CHSY1: variants seen among roughly 807,000 people sequenced by gnomAD.
The protein encoded by CHSY1 is N-acetylgalactosaminyl-proteoglycan 3-beta-glucuronosyltransferase 1.
CHSY1 carries 13 observed loss-of-function variants against 59.8 expected under a neutral mutation model. That is an observed-to-expected ratio of 0.22 (90% CI 0.14 to 0.35). The LOEUF is 0.35. Among genes scored for constraint, CHSY1 ranks in the 10% least tolerant of loss-of-function variants. CHSY1 has a pLI of 1.00. For missense variants in CHSY1, 947 were observed against 1,030.6 expected (o/e 0.92, Z 1.11); for synonymous variants, 459 against 401.2 (o/e 1.14, Z -1.72).
intron 2 of CHSY1, among the ~76,000 whole-genome samples, chr15:101,218,432 A>C (rs1203608317): frequency 2.0e-5 from 3 of 152,126 alleles, no homozygotes; most frequent in Non-Finnish European, 4.4e-5. Flanking sequence ...CCCCGTCTCT[A>C]CTAAAAATAC....
chr15:101,222,917 T>G (rs774891647), intron 2 of CHSY1, among the ~76,000 whole-genome samples: 1 of 152,196 alleles, frequency 6.6e-6, no homozygotes, highest in Non-Finnish European at 1.5e-5. Context: ...GGAGGGAAAT[T>G]AAGCTCCACT....
In CHSY1 at chr15:101,235,074, G is replaced by C. The variant is rs747414153; in HGVS notation, c.816+8C>G. 8 of 1,612,984 alleles carry C rather than the reference G, an allele frequency of 5.0e-6. No homozygotes were observed. The South Asian group carries it at 8.8e-5, about 18-fold the overall frequency. On this transcript the variant is annotated splice_region_variant and intron_variant, in intron 2 of 2. Coordinates refer to ENST00000254190, the MANE Select transcript of CHSY1 (RefSeq NM_014918.5). The stretch of plus-strand genomic sequence containing the variant: ...AGTTTTTCCCATGGTAAAGAATTCT[G>C]TTCTTACCTCATAAGACCAGACACA...
At chr15:101,229,069 G>A (rs2038868696) in intron 2 of CHSY1, among the ~76,000 whole-genome samples, 2 of 152,032 alleles carry the variant, frequency 1.3e-5, no homozygotes, top group South Asian at 4.1e-4. Flanking sequence ...TCATCCCCAA[G>A]GCGACTACTA....
chr15:101,217,564 C>G (rs2038747213), intron 2 of CHSY1, among the ~76,000 whole-genome samples: 1 of 152,048 alleles, frequency 6.6e-6, no homozygotes, highest in African/African-American at 2.4e-5. Flanking sequence ...GAGCCTGGAG[C>G]AACTTCTAGT....
At position 101,176,304 on chromosome 15, in the gene CHSY1, A is replaced by C. The variant is rs1003594015; in HGVS notation, c.*1084T>G. The C allele has an allele frequency of 2.5e-6, 1 of 398,462 alleles. No individual in the cohort carries two copies. The highest frequency in any genetic ancestry group is 2.1e-5 in the African/African-American group (1 of 48,646). 24.7% of individuals were successfully genotyped at this position (398,462 alleles called of 1,614,324 possible). On this transcript the variant is annotated 3_prime_UTR_variant, in exon 3 of 3. Coordinates refer to ENST00000254190, the MANE Select transcript of CHSY1 (RefSeq NM_014918.5). ...AAGAATGAAAACCATCTCCACCCAC[A>C]TAACACAGACAGGATGAAAGGAACA...
chr15:101,178,773 T>C lies in CHSY1; in HGVS notation c.1024A>G (p.Ser342Gly). ...IQLHREIVLM[S>G]KYSNTEIHKE... The stretch of plus-strand genomic sequence containing the variant: ...TGAATTTCTGTGTTGCTGTATTTGC[T>C]CATCAGGACAATTTCGCGGTGCAGC... Residue 342 changes from serine to glycine, a missense_variant, in exon 3 of 3, where the codon AGC (serine) becomes GGC (glycine). Coordinates refer to ENST00000254190, the MANE Select transcript of CHSY1 (RefSeq NM_014918.5). 3 of 1,614,222 alleles carry C rather than the reference T, an allele frequency of 1.9e-6. No individual in the cohort carries two copies. In the South Asian group the frequency reaches 3.3e-5, roughly 18 times the overall value.
chr15:101,208,979 T>C (rs1283861171), intron 2 of CHSY1, among the ~76,000 whole-genome samples: 1 of 152,204 alleles, frequency 6.6e-6, no homozygotes, highest in Non-Finnish European at 1.5e-5. Context: ...ACTATTCATT[T>C]ATTCTGCCAA....
intron 2 of CHSY1, among the ~76,000 whole-genome samples, chr15:101,208,796 TATA>T (rs892769535): frequency 2.0e-5 from 3 of 151,770 alleles, no homozygotes; most frequent in African/African-American, 4.8e-5. Flanking sequence ...CATGGAAATG[TATA>T]ATAATGGTAA....
intron 2 of CHSY1, among the ~76,000 whole-genome samples, chr15:101,200,251 G>A (rs748583662): frequency 6.8e-6 from 1 of 146,488 alleles, no homozygotes; most frequent in African/African-American, 2.5e-5. Context: ...GAGTATCCAC[G>A]TAAAAAATAA....
chr15:101,221,862 T>C (rs964834583), intron 2 of CHSY1, among the ~76,000 whole-genome samples: 2 of 149,106 alleles, frequency 1.3e-5, no homozygotes, highest in Non-Finnish European at 3.0e-5. Context: ...TTGCTAGACA[T>C]CCAAGAAAAT....
intron 2 of CHSY1, among the ~76,000 whole-genome samples, chr15:101,227,694 T>G (rs2038854442): frequency 6.6e-6 from 1 of 152,232 alleles, no homozygotes; most frequent in South Asian, 2.1e-4. Flanking sequence ...TAAGGCAGGG[T>G]TGTCAAATGC....
intron 2 of CHSY1, among the ~76,000 whole-genome samples, chr15:101,203,127 A>C (rs891613505): frequency 6.6e-6 from 1 of 152,212 alleles, no homozygotes; most frequent in Non-Finnish European, 1.5e-5. Flanking sequence ...ATTGCACCTA[A>C]AGCCAAGCTT....
At position 101,176,699 on chromosome 15, in the gene CHSY1, G is replaced by A. The variant is rs2141233455; in HGVS notation, c.*689C>T. On this transcript the variant is annotated 3_prime_UTR_variant, in exon 3 of 3. Transcript: ENST00000254190. ...TAATCCCAGCTACTCGGGAGGCAAA[G>A]GCAGGGGAATTGCTTGAACCAGGGA... is the stretch of plus-strand genomic sequence containing the variant. The A allele has an allele frequency of 3.5e-6, 1 of 282,678 alleles. No homozygotes were observed. The highest frequency in any genetic ancestry group is 1.7e-4 in the South Asian group (1 of 5,976). The allele number at this position is 282,678 out of a possible 1,614,324, so 17.5% of individuals were successfully genotyped here. A position where few individuals can be genotyped will look rare whatever the true frequency, so the allele number is the denominator to read the frequency against.
intron 2 of CHSY1, among the ~76,000 whole-genome samples, chr15:101,181,827 A>G (rs748755142): frequency 2.0e-5 from 3 of 152,188 alleles, no homozygotes; most frequent in Non-Finnish European, 4.4e-5. Context: ...TCAAAAACCC[A>G]TGTATGAGTT....
At chr15:101,233,242 C>T (rs1231526539) in intron 2 of CHSY1, among the ~76,000 whole-genome samples, 1 of 152,174 alleles carries the variant, frequency 6.6e-6, no homozygotes, top group East Asian at 1.9e-4. Context: ...TACCTCTTGG[C>T]ACTAACGCTA....
chr15:101,178,740 C>T lies in CHSY1; in HGVS notation c.1057G>A (p.Asp353Asn), dbSNP rs2038233344. The change falls in exon 3 of 3, where the codon GAC becomes AAC. Residue 353 changes from aspartate (D) to asparagine (N), a missense_variant. This residue lies in a region of CHSY1 where 602 missense variants were observed against 676.9 expected (regional missense o/e 0.89). Coordinates refer to ENST00000254190, the MANE Select transcript of CHSY1 (RefSeq NM_014918.5). ...KYSNTEIHKE[D>N]LQLGIPPSFM... ...GAGGGAGGGATTCCCAGCTGGAGGT[C>T]CTCTTTATGAATTTCTGTGTTGCTG... The T allele has an allele frequency of 5.0e-6, 8 of 1,614,210 alleles. No homozygotes were observed. Among genetic ancestry groups the T allele is most frequent in the Non-Finnish European group, 3.4e-6 (4 of 1,180,046 alleles).
chr15:101,246,725 GA>G (rs2039056704), intron 1 of CHSY1, among the ~76,000 whole-genome samples: 1 of 152,162 alleles, frequency 6.6e-6, no homozygotes, highest in East Asian at 1.9e-4. Context: ...ACCCTTTCTA[GA>G]ATTAGGAAGG....
intron 2 of CHSY1, among the ~76,000 whole-genome samples, chr15:101,182,018 T>C (rs2038287212): frequency 6.6e-6 from 1 of 152,242 alleles, no homozygotes; most frequent in Admixed American, 6.5e-5. Context: ...TAAATACACT[T>C]ACAGCACTGT....
intron 2 of CHSY1, among the ~76,000 whole-genome samples, chr15:101,192,238 G>T (rs1468052663): frequency 2.0e-5 from 3 of 152,186 alleles, no homozygotes; most frequent in Non-Finnish European, 2.9e-5. Flanking sequence ...AAATGAATGA[G>T]TAGATACTGT....
Sources: allele counts gnomAD v4.1 joint callset (sites outside exome capture counted in the v4.1 genomes callset), GRCh38; gene constraint gnomAD v4.1.1; regional missense constraint gnomAD v4.1.1; transcripts MANE v1.5; gene names NCBI Gene and HGNC (gene_info 2026-07-23, HGNC 2026-07-21).